DNAH6: variants seen among roughly 807,000 people sequenced by gnomAD.
The protein encoded by DNAH6 is dynein axonemal heavy chain 6.
DNAH6 carries 340 observed loss-of-function variants against 491.4 expected under a neutral mutation model. The ratio of observed to expected loss-of-function variants is 0.69; its 90% CI spans 0.63 to 0.76. The LOEUF is 0.76. DNAH6 is among the 30% of genes least tolerant of loss of function. The pLI is 0.00. For synonymous variants in DNAH6, 1,603 were observed against 1,686.1 expected, an observed-to-expected ratio of 0.95 and a Z score of 1.21; for missense variants, 4,443 against 4,972.2, an observed-to-expected ratio of 0.89 and a Z score of 3.20.
chr2:84,803,738 G>A (rs953607889), intron 70 of DNAH6, among the ~76,000 whole-genome samples: 9 of 151,914 alleles, frequency 5.9e-5, no homozygotes, highest in Admixed American at 1.3e-4. Context: ...TAATTCTTGC[G>A]AAGACATAGA....
At chr2:84,817,796 G>T (rs981266811) in intron 76 of DNAH6, among the ~76,000 whole-genome samples, 6 of 152,118 alleles carry the variant, frequency 3.9e-5, no homozygotes, top group African/African-American at 1.4e-4. Context: ...GTGTTTAGAG[G>T]TCCCATGGCA....
intron 39 of DNAH6, among the ~76,000 whole-genome samples, chr2:84,671,277 C>T (rs1297913078): frequency 6.6e-6 from 1 of 152,160 alleles, no homozygotes; most frequent in African/African-American, 2.4e-5. Flanking sequence ...AAGCAACTCC[C>T]AAAAGAGCTG....
At chr2:84,815,376 G>GAAAAAAAAAA (rs568105223) in intron 75 of DNAH6, among the ~76,000 whole-genome samples, 2 of 126,342 alleles carry the variant, frequency 1.6e-5, no homozygotes. Context: ...CCCACAATTG[G>GAAAAAAAAAA]AAAAAAAAAA....
chr2:84,648,041 C>G (rs1297950180), intron 33 of DNAH6, among the ~76,000 whole-genome samples: 2 of 152,152 alleles, frequency 1.3e-5, no homozygotes, highest in African/African-American at 4.8e-5. Flanking sequence ...ACTCCAAGAA[C>G]AGTTTTTATA....
chr2:84,509,480 G>C, the DNAH6 span, among the ~76,000 whole-genome samples: 1 of 152,166 alleles, frequency 6.6e-6, no homozygotes, highest in Non-Finnish European at 1.5e-5. Flanking sequence ...CTTCACGTGA[G>C]ATGGGTCTCC....
In DNAH6 at chr2:84,787,277, C is replaced by G; in HGVS notation, c.11214C>G (p.Pro3738=). The change falls in exon 68 of 77, where the codon CCC becomes CCG. Residue 3738 remains proline (P), a synonymous_variant. Coordinates refer to ENST00000389394, the MANE Select transcript of DNAH6 (RefSeq NM_001370.2). ...TCTATTGTAAAGAAGGAAAGATTCCCTGGGATGCACTAATTTACATTACTG... is the reference window on the plus strand; with the variant it reads ...TCTATTGTAAAGAAGGAAAGATTCCGTGGGATGCACTAATTTACATTACTG... The part of the protein sequence containing the change: ...LKLYCKEGKI[P]WDALIYITGE... 6.5e-7 allele frequency: 1 copy of G among 1,548,358 alleles called. No individual in the cohort carries two copies. Among genetic ancestry groups the G allele is most frequent in the Non-Finnish European group, 8.7e-7 (1 of 1,145,372 alleles).
chr2:84,633,681 C>G (rs1688607797), intron 29 of DNAH6, among the ~76,000 whole-genome samples: 1 of 151,602 alleles, frequency 6.6e-6, no homozygotes, highest in African/African-American at 2.4e-5. Context: ...TTTCCCTATG[C>G]TTTCCATATT....
upstream of DNAH6, among the ~76,000 whole-genome samples, chr2:84,514,867 T>TCACACACACACACACACACA (rs58335460): frequency 3.5e-3 from 486 of 139,090 alleles, 4 homozygotes; most frequent in African/African-American, 6.4e-3. Context: ...TTCACCACAG[T>TCACACACACACACACACACA]CACACACACA....
At position 84,584,064 on chromosome 2, in the gene DNAH6, G is replaced by A; in HGVS notation, c.2295G>A (p.Gln765=). The part of the protein sequence containing the change: ...TQMYKLMEQY[Q]VPTPPEDFAV... ...TGTACAAGCTTATGGAACAATATCA[G>A]GTGCCCACACCTCCTGAAGACTTTG... The change falls in exon 15 of 77, where the codon CAG becomes CAA. Residue 765 remains glutamine (Q), a synonymous_variant. Transcript: ENST00000389394. The A allele has an allele frequency of 6.2e-7, 1 of 1,614,110 alleles. No homozygotes were observed. Among genetic ancestry groups the A allele is most frequent in the Non-Finnish European group, 8.5e-7 (1 of 1,180,010 alleles).
At chr2:84,478,547 C>G in the DNAH6 span, among the ~76,000 whole-genome samples, 1 of 152,158 alleles carries the variant, frequency 6.6e-6, no homozygotes, top group Non-Finnish European at 1.5e-5. Context: ...ACTTTGACCT[C>G]TCCTCCAGAA....
Position 84,640,470 on chromosome 2 carries a change from T to C in DNAH6, c.4862T>C (p.Leu1621Ser), listed in dbSNP as rs1325005079. The C allele has an allele frequency of 6.5e-7, 1 of 1,541,806 alleles. No individual in the cohort carries two copies. Among genetic ancestry groups the C allele is most frequent in the South Asian group, 1.2e-5 (1 of 83,762 alleles). Residue 1621 changes from leucine to serine, a missense_variant, in exon 32 of 77, where the codon TTA becomes TCA. Leu to Ser is a moderately radical substitution (Grantham distance 145). Transcript: ENST00000389394. Reference protein sequence around the residue: ...YSEGFESSKILARKMTQMYKL... With the variant: ...YSEGFESSKISARKMTQMYKL... ...GAAGGATTTGAATCCAGTAAAATAT[T>C]AGCAAGAAAAATGACTCAGATGTAT...
the DNAH6 span, among the ~76,000 whole-genome samples, chr2:84,487,930 A>G: frequency 6.7e-6 from 1 of 149,576 alleles, no homozygotes; most frequent in Non-Finnish European, 1.5e-5. Flanking sequence ...AACCTAATCT[A>G]GGACATCCTG....
upstream of DNAH6, among the ~76,000 whole-genome samples, chr2:84,512,234 A>G (rs926849577): frequency 1.3e-5 from 2 of 152,220 alleles, no homozygotes; most frequent in African/African-American, 4.8e-5. Flanking sequence ...ATAAAGAACA[A>G]AGAGTTATTT....
At chr2:84,549,514 G>A (rs866635232) in intron 8 of DNAH6, among the ~76,000 whole-genome samples, 10 of 152,332 alleles carry the variant, frequency 6.6e-5, no homozygotes, top group South Asian at 2.1e-4. Flanking sequence ...TTTACTATTA[G>A]AATGCAAGTT....
In DNAH6 at chr2:84,611,543, G is replaced by T. The variant is rs990964706; in HGVS notation, c.3295-131G>T. 2.8e-5 allele frequency: 20 copies of T among 715,864 alleles called. No homozygotes were observed. The Admixed American group carries it at 5.4e-4, about 19-fold the overall frequency. 44.3% of individuals were successfully genotyped at this position (715,864 alleles called of 1,614,324 possible). A position where few individuals can be genotyped will look rare whatever the true frequency, so the allele number is the denominator to read the frequency against. ...CCTTGTAAGGAATTTAATTTCAAAG[G>T]ACCTGTGAGGAGTCATAACACCACC... On this transcript the variant is annotated intron_variant, in intron 21 of 76. Coordinates refer to ENST00000389394, the MANE Select transcript of DNAH6 (RefSeq NM_001370.2).
At chr2:84,505,425 C>G in the DNAH6 span, among the ~76,000 whole-genome samples, 2 of 152,100 alleles carry the variant, frequency 1.3e-5, no homozygotes, top group African/African-American at 2.4e-5. Flanking sequence ...TACTTTATTT[C>G]TAATCTTAGC....
chr2:84,641,782 T>C (rs1689430368), intron 32 of DNAH6, among the ~76,000 whole-genome samples, 165 bp from the exon 33 acceptor site: 1 of 152,144 alleles, frequency 6.6e-6, no homozygotes, highest in Non-Finnish European at 1.5e-5. Context: ...GCAGGACTTG[T>C]CAGTATGCTC....
intron 61 of DNAH6, among the ~76,000 whole-genome samples, chr2:84,729,085 T>C (rs1698908273): frequency 6.6e-6 from 1 of 152,124 alleles, no homozygotes; most frequent in Non-Finnish European, 1.5e-5. Flanking sequence ...AGATGTTCCT[T>C]CCTCCCTGAC....
At chr2:84,598,070 A>G (rs1684785200) in intron 18 of DNAH6, among the ~76,000 whole-genome samples, 1 of 152,282 alleles carries the variant, frequency 6.6e-6, no homozygotes, top group South Asian at 2.1e-4. Context: ...AAAGAAATCT[A>G]TAGTGAGAAA....
Sources: gnomAD v4.1 joint callset for allele counts (sites outside exome capture counted in the v4.1 genomes callset) on GRCh38, gnomAD v4.1.1 for gene constraint, MANE v1.5 for transcripts, NCBI Gene and HGNC (gene_info 2026-07-23, HGNC 2026-07-21) for gene names.